The following SLC6A18 variants were observed in gnomAD, a reference collection of about 807,000 sequenced individuals.
SLC6A18 encodes solute carrier family 6 member 18.
In SLC6A18, 58 loss-of-function variants were observed where a neutral mutation model predicts 62.9. The ratio of observed to expected loss-of-function variants is 0.92; its 90% CI spans 0.75 to 1.15. The LOEUF is 1.15. Ranked by LOEUF, SLC6A18 falls within the 50% of genes most tolerant of loss-of-function variation. The probability of loss-of-function intolerance (pLI) is 0.00; values close to 1 mark genes in which losing one functional copy is unlikely to be tolerated. For synonymous variants in SLC6A18, 382 were observed against 365.8 expected (o/e 1.04, Z -0.51); for missense variants, 793 against 836.6 (o/e 0.95, Z 0.64).
At chr5:1,240,089 C>T (rs78368589) in intron 6 of SLC6A18, among the ~76,000 whole-genome samples, 6,571 of 152,302 alleles carry the variant, frequency 0.043, 218 homozygotes, top group Non-Finnish European at 0.059. Context: ...TGCCCGCTGG[C>T]GGCCTTTAGG....
At chr5:1,242,589 G>A in intron 7 of SLC6A18, 118 bp from the exon 8 acceptor site, 1 of 1,384,118 alleles carries the variant, frequency 7.2e-7, no homozygotes, top group Non-Finnish European at 9.7e-7. Context: ...GATCCCAACA[G>A]GGGCAGGAGG....
intron 1 of SLC6A18, among the ~76,000 whole-genome samples, chr5:1,229,881 CT>C (rs1401208618): frequency 8.5e-6 from 1 of 117,990 alleles, no homozygotes; most frequent in Non-Finnish European, 1.9e-5. Context: ...GAGAGGGGCT[CT>C]CACAGCGCAG....
Position 1,241,315 on chromosome 5 carries a change from G to A in SLC6A18, c.974+656G>A, listed in dbSNP as rs1037525342. 6.6e-6 allele frequency among the ~76,000 whole-genome samples: 1 copy of A among 152,222 alleles called. No homozygotes were observed. Among genetic ancestry groups the A allele is most frequent in the African/African-American group, 2.4e-5 (1 of 41,460 alleles). On this transcript the variant is annotated intron_variant, in intron 7 of 11. Coordinates refer to ENST00000324642, the MANE Select transcript of SLC6A18 (RefSeq NM_182632.3). The surrounding 1 kb of genome is among the most constrained non-coding windows in gnomAD (Gnocchi z 7.8). ...CCCACTGGGCAGACAGCACGTCCCTGCAACATGGGGTGACTCTGACCCCAC... is the reference window on the plus strand; with the variant it reads ...CCCACTGGGCAGACAGCACGTCCCTACAACATGGGGTGACTCTGACCCCAC...
At chr5:1,244,176 A>AC in intron 9 of SLC6A18, 38 bp from the exon 10 acceptor site, 5 of 297,834 alleles carry the variant, frequency 1.7e-5, no homozygotes, top group South Asian at 3.6e-5. Context: ...TCCACTCCCC[A>AC]TCCCCTTACC....
intron 7 of SLC6A18, among the ~76,000 whole-genome samples, chr5:1,242,398 C>T (rs948188890): frequency 3.6e-5 from 5 of 138,428 alleles, no homozygotes; most frequent in Middle Eastern, 3.6e-3. Context: ...GGCGTCCACA[C>T]GATCCCAACA....
chr5:1,238,926 C>A (rs1056796767), intron 5 of SLC6A18, among the ~76,000 whole-genome samples: 1 of 152,224 alleles, frequency 6.6e-6, no homozygotes, highest in Non-Finnish European at 1.5e-5. Context: ...TATCCCAGAT[C>A]GCGGCACTCC....
intron 4 of SLC6A18, among the ~76,000 whole-genome samples, chr5:1,236,763 T>C (rs116466963): frequency 0.012 from 1,808 of 152,222 alleles, 35 homozygotes; most frequent in African/African-American, 0.041. Context: ...CCCCATGTCC[T>C]GTGCAGTGTC....
At chr5:1,226,403 G>A (rs1746563031) in intron 1 of SLC6A18, among the ~76,000 whole-genome samples, 1 of 152,148 alleles carries the variant, frequency 6.6e-6, no homozygotes, top group Non-Finnish European at 1.5e-5. Context: ...TCTTCCCCAG[G>A]CAACACGGGC....
intron 1 of SLC6A18, among the ~76,000 whole-genome samples, chr5:1,228,027 T>C (rs920401950): frequency 6.6e-6 from 1 of 152,244 alleles, no homozygotes; most frequent in Non-Finnish European, 1.5e-5. Flanking sequence ...TGGTAGGTGC[T>C]GTTGAGATCT....
At chr5:1,228,208 G>A (rs58933348) in intron 1 of SLC6A18, among the ~76,000 whole-genome samples, 44,951 of 151,980 alleles carry the variant, frequency 0.3, 6,863 homozygotes, top group South Asian at 0.36. Flanking sequence ...GAGATTCTTC[G>A]GCGCTCCCTT....
intron 7 of SLC6A18, among the ~76,000 whole-genome samples, 158 bp from the exon 8 acceptor site, chr5:1,242,549 G>T (rs1286879495): frequency 6.7e-6 from 1 of 149,266 alleles, no homozygotes; most frequent in Non-Finnish European, 1.5e-5. Flanking sequence ...GCGTCCACAC[G>T]ATCCCAACAG....
chr5:1,239,684 T>G (rs1482757635), intron 6 of SLC6A18, 122 bp downstream of exon 6: 5 of 741,480 alleles, frequency 6.7e-6, no homozygotes, highest in African/African-American at 1.8e-5. Flanking sequence ...GATAAGAACC[T>G]CACGCCACAG....
At chr5:1,237,892 G>A (rs1746925141) in intron 4 of SLC6A18, 58 bp from the exon 5 acceptor site, 1 of 1,380,654 alleles carries the variant, frequency 7.2e-7, no homozygotes. Flanking sequence ...GCTTCTCTGA[G>A]GCTTGTGGAC....
At chr5:1,234,377 C>T (rs1320709804) in intron 3 of SLC6A18, among the ~76,000 whole-genome samples, 1 of 152,192 alleles carries the variant, frequency 6.6e-6, no homozygotes, top group Non-Finnish European at 1.5e-5. Context: ...GTGCCATCAG[C>T]CTCCTGGCAC....
At chr5:1,230,104 C>T (rs915670822) in intron 1 of SLC6A18, among the ~76,000 whole-genome samples, 1 of 145,182 alleles carries the variant, frequency 6.9e-6, no homozygotes, top group Non-Finnish European at 1.5e-5. Flanking sequence ...AAGAAGGGCT[C>T]TAACGGTACA....
At position 1,243,459 on chromosome 5, in the gene SLC6A18, C is replaced by A; in HGVS notation, c.1132-96C>A. ...AGGAGGGGTGATGTGCACTCGTGTC[C>A]TCGGCCTGGGAGAGTGTGTGTCCTG... On this transcript the variant is annotated intron_variant, in intron 8 of 11. Coordinates refer to ENST00000324642, the MANE Select transcript of SLC6A18 (RefSeq NM_182632.3). The surrounding 1 kb of genome is among the most constrained non-coding windows in gnomAD (Gnocchi z 6.5). The A allele has an allele frequency of 7.1e-7, 1 of 1,412,008 alleles. No individual in the cohort carries two copies. The highest frequency in any genetic ancestry group is 9.7e-7 in the Non-Finnish European group (1 of 1,026,226). 87.5% of individuals were successfully genotyped at this position (1,412,008 alleles called of 1,614,324 possible). A position where few individuals can be genotyped will look rare whatever the true frequency, so the allele number is the denominator to read the frequency against.
In SLC6A18 at chr5:1,243,568, C is replaced by G; in HGVS notation, c.1145C>G (p.Pro382Arg). The change falls in exon 9 of 12, where the codon CCG (proline) becomes CGG (arginine). Residue 382 changes from proline to arginine, a missense_variant. Pro to Arg is a moderately radical substitution (Grantham distance 103). Coordinates refer to ENST00000324642, the MANE Select transcript of SLC6A18 (RefSeq NM_182632.3). The surrounding 1 kb of genome is among the most constrained non-coding windows in gnomAD (Gnocchi z 6.5). ...EDFLDKSASG[P>R]GLAFVVFTET... ...CGTGTATTGCAGAGTGCCTCGGGCC[C>G]GGGCCTGGCCTTCGTCGTCTTCACG... 1.2e-6 allele frequency: 2 copies of G among 1,613,522 alleles called. No individual in the cohort carries two copies. The highest frequency in any genetic ancestry group is 1.7e-6 in the Non-Finnish European group (2 of 1,179,962).
In SLC6A18 at chr5:1,246,146, C is replaced by CCGCCCT. The variant is rs1747219775; in HGVS notation, c.*73_*74insTCGCCC. The CCGCCCT allele has an allele frequency of 6.7e-7, 1 of 1,487,094 alleles. No homozygotes were observed. Among genetic ancestry groups the CCGCCCT allele is most frequent in the Non-Finnish European group, 8.9e-7 (1 of 1,124,708 alleles). The allele number at this position is 1,487,094 out of a possible 1,614,324, so 92.1% of individuals were successfully genotyped here. The stretch of plus-strand genomic sequence containing the variant: ...GCTTGGCCTGATGGTGGGCGGGGCC[C>CCGCCCT]CGCCCACAGGGCCGACCCCAATACA... On this transcript the variant is annotated 3_prime_UTR_variant, in exon 12 of 12. Transcript: ENST00000324642.
Position 1,239,430 on chromosome 5 carries a change from C to T in SLC6A18, c.733-20C>T, listed in dbSNP as rs775301114. On this transcript the variant is annotated intron_variant, in intron 5 of 11. Coordinates refer to ENST00000324642, the MANE Select transcript of SLC6A18 (RefSeq NM_182632.3). ...TGTGGTTTGCCTGCTGAGTGAGACGCTCTCCCTGACTCATTCCAGATGCAC... is the reference window on the plus strand; with the variant it reads ...TGTGGTTTGCCTGCTGAGTGAGACGTTCTCCCTGACTCATTCCAGATGCAC... 3.2e-6 allele frequency: 5 copies of T among 1,582,056 alleles called. No individual in the cohort carries two copies. The highest frequency in any genetic ancestry group is 4.3e-6 in the Non-Finnish European group (5 of 1,151,066).
Sources: gnomAD v4.1 joint callset for allele counts (sites outside exome capture counted in the v4.1 genomes callset) on GRCh38, gnomAD v4.1.1 for gene constraint, Gnocchi (gnomAD v3.1) non-coding constraint, MANE v1.5 for transcripts, NCBI Gene and HGNC (gene_info 2026-07-23, HGNC 2026-07-21) for gene names.